The following TOX variants were observed in gnomAD, a reference collection of about 807,000 sequenced individuals.
TOX encodes the protein thymocyte selection associated high mobility group box, also known as thymocyte selection-associated high mobility group box protein TOX.
In TOX, 11 loss-of-function variants were observed where a neutral mutation model predicts 53.7. The ratio of observed to expected loss-of-function variants is 0.20; its 90% CI spans 0.13 to 0.34. The LOEUF (loss-of-function observed/expected upper bound fraction) is 0.34, where lower values mean the gene tolerates loss of function less well. Among genes scored for constraint, TOX ranks in the 10% least tolerant of loss-of-function variants. TOX has a pLI of 1.00. For missense variants in TOX, 570 were observed against 664.6 expected, an observed-to-expected ratio of 0.86 and a Z score of 1.56; for synonymous variants, 225 against 245.3, an observed-to-expected ratio of 0.92 and a Z score of 0.77.
intron 1 of TOX, among the ~76,000 whole-genome samples, chr8:58,961,798 T>C (rs978358563): frequency 6.6e-6 from 1 of 152,144 alleles, no homozygotes; most frequent in Admixed American, 6.5e-5. Flanking sequence ...TGAGCCACCA[T>C]GCCCAGCTGA....
chr8:58,999,282 A>G (rs1813644660), intron 1 of TOX, among the ~76,000 whole-genome samples: 1 of 152,202 alleles, frequency 6.6e-6, no homozygotes. Flanking sequence ...AAAACAAATG[A>G]AAGCTGAAAT....
chr8:58,825,750 C>T (rs1241812629), intron 6 of TOX, among the ~76,000 whole-genome samples: 1 of 152,162 alleles, frequency 6.6e-6, no homozygotes, highest in African/African-American at 2.4e-5. Context: ...TAATATTTTA[C>T]ACTTTTTAGG....
intron 5 of TOX, among the ~76,000 whole-genome samples, chr8:58,830,936 G>A (rs1041521182): frequency 1.3e-5 from 2 of 152,014 alleles, no homozygotes; most frequent in African/African-American, 2.4e-5. Context: ...CTTCTTTCAA[G>A]GCTGTTGTTA....
chr8:58,900,431 G>A (rs1281298346), intron 3 of TOX, among the ~76,000 whole-genome samples: 1 of 152,014 alleles, frequency 6.6e-6, no homozygotes, highest in Non-Finnish European at 1.5e-5. Flanking sequence ...ATATCGAAGT[G>A]TAGAAGATGA....
chr8:58,810,590 C>T (rs1351743049), intron 7 of TOX, among the ~76,000 whole-genome samples: 4 of 151,264 alleles, frequency 2.6e-5, no homozygotes, highest in African/African-American at 4.9e-5. Context: ...TGGGTTAAAG[C>T]GATCCTCCCA....
intron 1 of TOX, among the ~76,000 whole-genome samples, chr8:59,021,479 A>T (rs60227098): frequency 0.16 from 10,254 of 64,454 alleles, 486 homozygotes; most frequent in East Asian, 0.37. Flanking sequence ...AAAAAAAAAA[A>T]AAATATATAT....
chr8:59,021,481 AATAT>A (rs55755723), intron 1 of TOX, among the ~76,000 whole-genome samples: 14 of 64,734 alleles, frequency 2.2e-4, no homozygotes, highest in African/African-American at 7.4e-4. Context: ...AAAAAAAAAA[AATAT>A]ATATATATAT....
chr8:58,879,757 T>C (rs555948614), intron 3 of TOX, among the ~76,000 whole-genome samples: 6 of 152,300 alleles, frequency 3.9e-5, no homozygotes, highest in African/African-American at 9.6e-5. Flanking sequence ...GGTTTTGTAG[T>C]TGACCAAATT....
chr8:59,072,295 C>T (rs914371761), intron 1 of TOX, among the ~76,000 whole-genome samples: 1 of 152,180 alleles, frequency 6.6e-6, no homozygotes, highest in African/African-American at 2.4e-5. Flanking sequence ...CATTCTGCCA[C>T]GGTGACTAAA....
chr8:59,045,841 T>A (rs1341435152), intron 1 of TOX, among the ~76,000 whole-genome samples: 2 of 152,244 alleles, frequency 1.3e-5, no homozygotes, highest in African/African-American at 4.8e-5. Flanking sequence ...TACCTGTGAT[T>A]ATCATGGAAT....
At chr8:58,993,242 C>T (rs1304328459) in intron 1 of TOX, among the ~76,000 whole-genome samples, 1 of 152,218 alleles carries the variant, frequency 6.6e-6, no homozygotes, top group Non-Finnish European at 1.5e-5. Flanking sequence ...TCAAGCTACA[C>T]TTTCATAGCA....
chr8:58,925,166 T>C (rs1490349839), intron 3 of TOX, among the ~76,000 whole-genome samples: 3 of 152,216 alleles, frequency 2.0e-5, no homozygotes, highest in African/African-American at 7.2e-5. Context: ...AGTAATCCTG[T>C]TTTATAAACC....
chr8:59,053,389 C>T (rs974577920), intron 1 of TOX, among the ~76,000 whole-genome samples: 6 of 152,130 alleles, frequency 3.9e-5, no homozygotes, highest in South Asian at 2.1e-4. Flanking sequence ...GGCAACCTTG[C>T]GCTCACACCA....
chr8:58,886,272 T>C (rs1384935940), intron 3 of TOX, among the ~76,000 whole-genome samples: 1 of 152,124 alleles, frequency 6.6e-6, no homozygotes, highest in East Asian at 1.9e-4. Context: ...CTCATGAAAG[T>C]ATCACATATT....
intron 1 of TOX, among the ~76,000 whole-genome samples, chr8:59,053,386 T>C (rs1489181144): frequency 6.6e-6 from 1 of 152,186 alleles, no homozygotes; most frequent in Non-Finnish European, 1.5e-5. Context: ...TACGGCAACC[T>C]TGCGCTCACA....
At chr8:59,021,481 A>AAAAAAATATAT (rs59174995) in intron 1 of TOX, among the ~76,000 whole-genome samples, 7 of 64,732 alleles carry the variant, frequency 1.1e-4, no homozygotes, top group Admixed American at 2.0e-4. Flanking sequence ...AAAAAAAAAA[A>AAAAAAATATAT]ATATATATAT....
At chr8:59,101,383 C>A (rs981194061) in intron 1 of TOX, among the ~76,000 whole-genome samples, 1 of 152,166 alleles carries the variant, frequency 6.6e-6, no homozygotes, top group Non-Finnish European at 1.5e-5. Context: ...CTCCTGGAAG[C>A]CTTCTCTGTA....
Position 59,119,129 on chromosome 8 carries a change from G to C in TOX, c.-142C>G. The C allele has an allele frequency of 2.0e-6, 1 of 497,676 alleles. No individual in the cohort carries two copies. Among genetic ancestry groups the C allele is most frequent in the East Asian group, 3.9e-5 (1 of 25,926 alleles). The allele number at this position is 497,676 out of a possible 1,614,324, so 30.8% of individuals were successfully genotyped here. ...CTTCCTTCCCTCACATCCGTTTGTG[G>C]TTTGTTTAAGAAGAAGAGGAAAAAA... is the stretch of plus-strand genomic sequence containing the variant. On this transcript the variant is annotated 5_prime_UTR_variant, in exon 1 of 9. Transcript: ENST00000361421.
intron 3 of TOX, among the ~76,000 whole-genome samples, chr8:58,923,658 C>T (rs1812110312): frequency 6.6e-6 from 1 of 152,158 alleles, no homozygotes; most frequent in African/African-American, 2.4e-5. Context: ...TAAACTGTTG[C>T]ATGATTTTCT....
Sources: allele counts gnomAD v4.1 joint callset (sites outside exome capture counted in the v4.1 genomes callset), GRCh38; gene constraint gnomAD v4.1.1; transcripts MANE v1.5; gene names NCBI Gene and HGNC (gene_info 2026-07-23, HGNC 2026-07-21).